Variants in CERT1 observed in about 807,000 individuals in gnomAD.
CERT1 encodes the protein ceramide transporter 1.
A neutral mutation model predicts 87.9 loss-of-function variants in CERT1; 31 were observed. The ratio of observed to expected loss-of-function variants is 0.35; its 90% CI spans 0.27 to 0.48. CERT1 has a LOEUF of 0.48. Ranked by LOEUF, CERT1 falls within the 20% of genes least tolerant of loss-of-function variation. The probability of loss-of-function intolerance (pLI) is 0.99; values close to 1 mark genes in which losing one functional copy is unlikely to be tolerated. For synonymous variants in CERT1, 289 were observed against 250.9 expected, an observed-to-expected ratio of 1.15 and a Z score of -1.44; for missense variants, 487 against 758.0, an observed-to-expected ratio of 0.64 and a Z score of 4.20.
At chr5:75,419,511 GGATTCT>G (rs1198297526) in intron 5 of CERT1, 87 bp from the exon 6 acceptor site, 16 of 874,346 alleles carry the variant, frequency 1.8e-5, no homozygotes, top group African/African-American at 3.4e-5. Flanking sequence ...ATTTTACTCT[GGATTCT>G]GATTCTGAGT....
upstream of CERT1, chr5:75,511,744 C>G (rs968539910): frequency 1.3e-6 from 2 of 1,550,316 alleles, no homozygotes; most frequent in Non-Finnish European, 1.7e-6. Flanking sequence ...TCGGGATCCT[C>G]CTCCCGAACC....
At chr5:75,430,708 T>C (rs1490640962) in intron 3 of CERT1, among the ~76,000 whole-genome samples, 2 of 151,204 alleles carry the variant, frequency 1.3e-5, no homozygotes, top group Admixed American at 6.6e-5. Flanking sequence ...CACAGCAAAA[T>C]GGAATTCTAA....
chr5:75,407,557 A>G (rs1021123828), intron 8 of CERT1, among the ~76,000 whole-genome samples: 1 of 151,930 alleles, frequency 6.6e-6, no homozygotes, highest in African/African-American at 2.4e-5. Context: ...AAAAAAACGA[A>G]TAAGAAAACA....
At chr5:75,427,210 T>C (rs1302622194) in intron 3 of CERT1, among the ~76,000 whole-genome samples, 4 of 152,218 alleles carry the variant, frequency 2.6e-5, no homozygotes, top group Admixed American at 1.3e-4. Flanking sequence ...TATAACAATA[T>C]AGACAAAGAA....
intron 16 of CERT1, among the ~76,000 whole-genome samples, chr5:75,380,300 A>G (rs1761509658): frequency 6.6e-6 from 1 of 152,222 alleles, no homozygotes; most frequent in Non-Finnish European, 1.5e-5. Flanking sequence ...CTCAGAAAAC[A>G]AAAAGCCTGA....
At chr5:75,453,161 G>A (rs541219685) in intron 3 of CERT1, among the ~76,000 whole-genome samples, 16 of 152,174 alleles carry the variant, frequency 1.1e-4, no homozygotes, top group Non-Finnish European at 1.9e-4. Flanking sequence ...ATGCCAAGGA[G>A]GGCAAAAACA....
At chr5:75,475,031 T>C (rs141605175) in intron 2 of CERT1, among the ~76,000 whole-genome samples, 2 of 152,074 alleles carry the variant, frequency 1.3e-5, no homozygotes, top group East Asian at 1.9e-4. Flanking sequence ...CTAACATACA[T>C]GGTATGATAC....
rs1297139864 is a variant in CERT1 at position 75,426,450 on chromosome 5, C to G, written c.377G>C (p.Ser126Thr). The stretch of plus-strand genomic sequence containing the variant: ...CACCATTGAGCCATGTCGACGCAAG[C>G]TGGATTCAGATCCATATCCAGATTC... ...KTESGYGSESSLRRHGSMVSL... is the reference protein window; with the variant it reads ...KTESGYGSESTLRRHGSMVSL... Residue 126 changes from serine (S) to threonine (T), a missense_variant, in exon 4 of 17, where the codon AGC becomes ACC. This residue lies in a region of CERT1 where 173 missense variants were observed against 302.2 expected (regional missense o/e 0.57). Coordinates refer to ENST00000643780, the MANE Select transcript of CERT1 (RefSeq NM_001379029.1). The G allele has an allele frequency of 6.2e-7, 1 of 1,613,284 alleles. No homozygotes were observed. The highest frequency in any genetic ancestry group is 8.5e-7 in the Non-Finnish European group (1 of 1,179,556).
At chr5:75,438,293 T>C (rs1267073908) in intron 3 of CERT1, among the ~76,000 whole-genome samples, 1 of 152,180 alleles carries the variant, frequency 6.6e-6, no homozygotes, top group Non-Finnish European at 1.5e-5. Context: ...TCTAAAAAAC[T>C]GATAAAAATT....
At chr5:75,504,476 A>G (rs1767559717) in intron 2 of CERT1, among the ~76,000 whole-genome samples, 1 of 152,214 alleles carries the variant, frequency 6.6e-6, no homozygotes, top group Admixed American at 6.5e-5. Flanking sequence ...CAAGGGGGGA[A>G]ATAATGTATA....
chr5:75,440,817 A>G (rs1764291664), intron 3 of CERT1, among the ~76,000 whole-genome samples: 1 of 152,108 alleles, frequency 6.6e-6, no homozygotes, highest in Non-Finnish European at 1.5e-5. Context: ...ATAGAAGTAG[A>G]GGGCCATAAC....
intron 2 of CERT1, among the ~76,000 whole-genome samples, chr5:75,491,227 C>G (rs1168998082): frequency 6.6e-6 from 1 of 152,042 alleles, no homozygotes; most frequent in Non-Finnish European, 1.5e-5. Flanking sequence ...AGTCTAGATA[C>G]CTCAGTGGAG....
chr5:75,511,151 C>T lies in CERT1; in HGVS notation c.57G>A (p.Glu19=), dbSNP rs974022558. The change falls in exon 1 of 17, where the codon GAG becomes GAA. Residue 19 remains glutamate (E), a synonymous_variant. Coordinates refer to ENST00000643780, the MANE Select transcript of CERT1 (RefSeq NM_001379029.1). The part of the protein sequence containing the change: ...SSGSEEDPET[E]SGPPVERCGV... ...CGCAGCGCTCCACAGGCGGCCCAGACTCCGTCTCTGGATCCTCCTCCGAGC... is the reference window on the plus strand; with the variant it reads ...CGCAGCGCTCCACAGGCGGCCCAGATTCCGTCTCTGGATCCTCCTCCGAGC... 1.2e-6 allele frequency: 2 copies of T among 1,609,920 alleles called. No individual in the cohort carries two copies. Among genetic ancestry groups the T allele is most frequent in the Non-Finnish European group, 8.5e-7 (1 of 1,178,204 alleles).
At chr5:75,418,563 T>C (rs1426240302) in intron 6 of CERT1, among the ~76,000 whole-genome samples, 1 of 152,194 alleles carries the variant, frequency 6.6e-6, no homozygotes, top group African/African-American at 2.4e-5. Context: ...TTATTTGTAA[T>C]AGTCAAAACT....
At chr5:75,422,428 C>A (rs1763421260) in intron 5 of CERT1, among the ~76,000 whole-genome samples, 1 of 152,082 alleles carries the variant, frequency 6.6e-6, no homozygotes, top group Admixed American at 6.5e-5. Flanking sequence ...CAAGCCTGGG[C>A]AACATGGCAA....
At chr5:75,400,166 T>A in intron 10 of CERT1, 39 bp downstream of exon 10, 1 of 1,338,322 alleles carries the variant, frequency 7.5e-7, no homozygotes, top group Non-Finnish European at 1.1e-6. Flanking sequence ...TGAAGAACAA[T>A]ACAAGGTGTA....
chr5:75,492,700 T>C (rs536810388), intron 2 of CERT1, among the ~76,000 whole-genome samples: 1 of 152,074 alleles, frequency 6.6e-6, no homozygotes, highest in African/African-American at 2.4e-5. Flanking sequence ...TTAGAACAAA[T>C]AGCACAATAC....
intron 10 of CERT1, 60 bp downstream of exon 10, chr5:75,400,145 T>A (rs1372340052): frequency 8.1e-7 from 1 of 1,236,408 alleles, no homozygotes; most frequent in East Asian, 2.4e-5. Flanking sequence ...AAAAGATATT[T>A]CCACCAACAA....
chr5:75,422,680 A>C (rs1763438521), intron 5 of CERT1, among the ~76,000 whole-genome samples: 1 of 152,204 alleles, frequency 6.6e-6, no homozygotes, highest in African/African-American at 2.4e-5. Flanking sequence ...TAGGGAAATC[A>C]GTTGTTATGG....
Sources: gnomAD v4.1 joint callset for allele counts (sites outside exome capture counted in the v4.1 genomes callset) on GRCh38, gnomAD v4.1.1 for gene constraint, gnomAD v4.1.1 regional missense constraint, MANE v1.5 for transcripts, NCBI Gene and HGNC (gene_info 2026-07-23, HGNC 2026-07-21) for gene names.